CSMD3: variants seen among roughly 807,000 people sequenced by gnomAD.
CSMD3 encodes CUB and Sushi multiple domains 3, also known as CUB and sushi domain-containing protein 3.
In CSMD3, 177 loss-of-function variants were observed where a neutral mutation model predicts 435.2. The observed-to-expected ratio is 0.41, with a 90% CI of 0.36 to 0.46. The LOEUF (loss-of-function observed/expected upper bound fraction) is 0.46, where lower values mean the gene tolerates loss of function less well. Among genes scored for constraint, CSMD3 ranks in the 20% least tolerant of loss-of-function variants. CSMD3 has a pLI of 0.34. For missense variants in CSMD3, 4,265 were observed against 4,504.6 expected, an observed-to-expected ratio of 0.95 and a Z score of 1.52; for synonymous variants, 1,656 against 1,520.5, an observed-to-expected ratio of 1.09 and a Z score of -2.07.
At chr8:112,513,741 G>A (rs560398156) in intron 28 of CSMD3, among the ~76,000 whole-genome samples, 46 of 152,258 alleles carry the variant, frequency 3.0e-4, no homozygotes, top group South Asian at 2.3e-3. Context: ...GTAATAAAAT[G>A]AGGTATGCTT....
chr8:112,528,935 C>T (rs1311533766), intron 27 of CSMD3, among the ~76,000 whole-genome samples: 4 of 152,018 alleles, frequency 2.6e-5, no homozygotes, highest in East Asian at 1.9e-4. Flanking sequence ...ATGGGACCAG[C>T]GCAGTACACC....
At chr8:112,444,090 C>T (rs1815339242) in intron 32 of CSMD3, among the ~76,000 whole-genome samples, 1 of 152,116 alleles carries the variant, frequency 6.6e-6, no homozygotes, top group Non-Finnish European at 1.5e-5. Context: ...TTTGGATTCA[C>T]TCAATTGAAT....
intron 1 of CSMD3, among the ~76,000 whole-genome samples, chr8:113,392,969 G>A (rs1025735580): frequency 6.6e-6 from 1 of 151,288 alleles, no homozygotes; most frequent in Non-Finnish European, 1.5e-5. Flanking sequence ...GTGTGTGTGT[G>A]TGTGTGTATA....
intron 32 of CSMD3, among the ~76,000 whole-genome samples, chr8:112,463,030 A>C (rs1450123613): frequency 6.6e-6 from 1 of 152,138 alleles, no homozygotes; most frequent in Non-Finnish European, 1.5e-5. Context: ...ACGGCTTTTC[A>C]TACTTCCTTG....
intron 23 of CSMD3, among the ~76,000 whole-genome samples, chr8:112,575,985 T>A (rs1829908813): frequency 6.6e-6 from 1 of 152,090 alleles, no homozygotes; most frequent in Non-Finnish European, 1.5e-5. Flanking sequence ...CCAAATAATA[T>A]TTTCCTTGTG....
chr8:112,718,021 T>C (rs2131953792), intron 13 of CSMD3, among the ~76,000 whole-genome samples: 1 of 152,218 alleles, frequency 6.6e-6, no homozygotes, highest in African/African-American at 2.4e-5. Flanking sequence ...ATGGGTCACG[T>C]ATACTTAAGT....
At chr8:113,171,684 T>A (rs1322171148) in intron 4 of CSMD3, among the ~76,000 whole-genome samples, 1 of 152,196 alleles carries the variant, frequency 6.6e-6, no homozygotes, top group Non-Finnish European at 1.5e-5. Context: ...AAGCTCAGGC[T>A]TTGGAACCTG....
chr8:113,202,166 T>G (rs764470581), intron 3 of CSMD3, among the ~76,000 whole-genome samples: 3 of 152,166 alleles, frequency 2.0e-5, no homozygotes, highest in African/African-American at 4.8e-5. Flanking sequence ...CAACTTTCAC[T>G]GCACAATGGC....
intron 1 of CSMD3, among the ~76,000 whole-genome samples, chr8:113,364,464 T>C (rs905459598): frequency 6.6e-6 from 1 of 152,122 alleles, no homozygotes; most frequent in Non-Finnish European, 1.5e-5. Context: ...AAAAATATTT[T>C]ACTAAAACAT....
intron 7 of CSMD3, among the ~76,000 whole-genome samples, chr8:112,969,146 T>A (rs573493654): frequency 2.0e-5 from 3 of 152,150 alleles, no homozygotes; most frequent in African/African-American, 7.2e-5. Context: ...CATAGTAATC[T>A]TCTGACATAA....
At chr8:113,405,659 A>G (rs2094529313) in intron 1 of CSMD3, among the ~76,000 whole-genome samples, 1 of 151,668 alleles carries the variant, frequency 6.6e-6, no homozygotes, top group South Asian at 2.1e-4. Flanking sequence ...AGGTGGCAAA[A>G]CCTGTGTGTA....
At chr8:112,461,785 T>C (rs2130682973) in intron 32 of CSMD3, among the ~76,000 whole-genome samples, 1 of 152,310 alleles carries the variant, frequency 6.6e-6, no homozygotes, top group Non-Finnish European at 1.5e-5. Context: ...ATAACTAATC[T>C]TACTTTTGCA....
intron 32 of CSMD3, among the ~76,000 whole-genome samples, chr8:112,450,411 T>A (rs2130589851): frequency 6.6e-6 from 1 of 152,326 alleles, no homozygotes; most frequent in Non-Finnish European, 1.5e-5. Context: ...AGATGTTAGT[T>A]TTCTAAGAAG....
chr8:112,653,168 T>G (rs1179552801), intron 18 of CSMD3, among the ~76,000 whole-genome samples: 1 of 152,228 alleles, frequency 6.6e-6, no homozygotes, highest in Non-Finnish European at 1.5e-5. Flanking sequence ...CAGAAGTTCA[T>G]GTCTGCATTA....
At chr8:112,917,440 A>G (rs975069923) in intron 10 of CSMD3, among the ~76,000 whole-genome samples, 2 of 151,950 alleles carry the variant, frequency 1.3e-5, no homozygotes, top group Admixed American at 6.6e-5. Context: ...GGCTAGACAT[A>G]TATGAATATC....
chr8:112,285,394 A>G (rs547920196), intron 58 of CSMD3, among the ~76,000 whole-genome samples: 7 of 152,200 alleles, frequency 4.6e-5, no homozygotes, highest in South Asian at 2.1e-4. Flanking sequence ...CCCTATATCA[A>G]CTAAGTTGCA....
intron 27 of CSMD3, among the ~76,000 whole-genome samples, chr8:112,531,163 T>A (rs992091902): frequency 3.9e-5 from 6 of 151,996 alleles, no homozygotes; most frequent in African/African-American, 1.2e-4. Context: ...CCTTGGAAAC[T>A]AGTACAGTGC....
chr8:112,464,465 T>G (rs564046772), intron 32 of CSMD3, among the ~76,000 whole-genome samples: 1 of 152,126 alleles, frequency 6.6e-6, no homozygotes, highest in East Asian at 1.9e-4. Flanking sequence ...AGGAAGAAAT[T>G]TATTAATTAT....
intron 1 of CSMD3, among the ~76,000 whole-genome samples, chr8:113,372,831 G>A (rs1202115135): frequency 6.6e-6 from 1 of 151,936 alleles, no homozygotes; most frequent in East Asian, 1.9e-4. Flanking sequence ...CTACTCGGGA[G>A]GCTGAGGCAG....
Sources: allele counts gnomAD v4.1 joint callset (sites outside exome capture counted in the v4.1 genomes callset), GRCh38; gene constraint gnomAD v4.1.1; transcripts MANE v1.5; gene names NCBI Gene and HGNC (gene_info 2026-07-23, HGNC 2026-07-21).